TNFRSF21: variants seen among roughly 807,000 people sequenced by gnomAD.
The protein encoded by TNFRSF21 is tumor necrosis factor receptor superfamily member 21.
TNFRSF21 carries 19 observed loss-of-function variants against 45.6 expected under a neutral mutation model. That is an observed-to-expected ratio of 0.42 (90% CI 0.29 to 0.61). TNFRSF21 has a LOEUF of 0.61. TNFRSF21 is among the 20% of genes least tolerant of loss of function. The probability of loss-of-function intolerance (pLI) is 0.23; values close to 1 mark genes in which losing one functional copy is unlikely to be tolerated. For synonymous variants in TNFRSF21, 314 were observed against 335.5 expected, an observed-to-expected ratio of 0.94 and a Z score of 0.70; for missense variants, 737 against 851.5, an observed-to-expected ratio of 0.87 and a Z score of 1.67.
At chr6:47,253,146 G>T (rs1764926087) in intron 4 of TNFRSF21, 110 bp downstream of exon 4, 20 of 1,315,030 alleles carry the variant, frequency 1.5e-5, no homozygotes, top group Non-Finnish European at 1.8e-5. Flanking sequence ...GTGTGTGTGT[G>T]TGCCTATCCA....
chr6:47,286,486 T>C lies in TNFRSF21; in HGVS notation c.206A>G (p.Lys69Arg). ...AGAGACATAGGTTCCTGCTGGACACTTGTCACAGGTTAGCACCTGGCCGGT... is the reference window on the plus strand; with the variant it reads ...AGAGACATAGGTTCCTGCTGGACACCTGTCACAGGTTAGCACCTGGCCGGT... ...RATGQVLTCD[K>R]CPAGTYVSEH... The change falls in exon 2 of 6, where the codon AAG (lysine) becomes AGG (arginine). Residue 69 changes from lysine (K) to arginine (R), a missense_variant. Lys to Arg is a conservative substitution (Grantham distance 26, BLOSUM62 2). Coordinates refer to ENST00000296861, the MANE Select transcript of TNFRSF21 (RefSeq NM_014452.5). 1 of 1,614,206 alleles carries C rather than the reference T, an allele frequency of 6.2e-7. No individual in the cohort carries two copies. The highest frequency in any genetic ancestry group is 8.5e-7 in the Non-Finnish European group (1 of 1,180,030).
At chr6:47,268,430 T>G (rs1762364824) in intron 3 of TNFRSF21, among the ~76,000 whole-genome samples, 1 of 152,152 alleles carries the variant, frequency 6.6e-6, no homozygotes, top group African/African-American at 2.4e-5. Flanking sequence ...AAAACTGAGT[T>G]AAAGTCAGAG....
Position 47,263,953 on chromosome 6 carries a change from C to T in TNFRSF21, c.1244-10432G>A, listed in dbSNP as rs1245346617. On this transcript the variant is annotated intron_variant, in intron 3 of 5. Coordinates refer to ENST00000296861, the MANE Select transcript of TNFRSF21 (RefSeq NM_014452.5). The stretch of plus-strand genomic sequence containing the variant: ...TATTTGTTAAAATTTGACACAACAT[C>T]AATAAGCCTAATATGTCCAATTCTA... Among the ~76,000 whole-genome samples, 7 of 152,162 alleles carry T rather than the reference C, an allele frequency of 4.6e-5. No homozygotes were observed. The South Asian group carries it at 1.2e-3, about 27-fold the overall frequency.
chr6:47,278,231 T>C (rs1024288868), intron 3 of TNFRSF21, among the ~76,000 whole-genome samples: 4 of 152,208 alleles, frequency 2.6e-5, no homozygotes, highest in African/African-American at 4.8e-5. Flanking sequence ...AAGGTCTCTA[T>C]GTTTAAATCC....
At chr6:47,236,863 T>C (rs1353468115) in intron 4 of TNFRSF21, among the ~76,000 whole-genome samples, 1 of 152,182 alleles carries the variant, frequency 6.6e-6, no homozygotes, top group Non-Finnish European at 1.5e-5. Context: ...GGTCAGTCAA[T>C]ATAGTACACT....
At position 47,253,402 on chromosome 6, in the gene TNFRSF21, C is replaced by T. The variant is rs1342962253; in HGVS notation, c.1363G>A (p.Asp455Asn). ...VAAFSNGYTA[D>N]HERAYAALQH... The stretch of plus-strand genomic sequence containing the variant: ...AGAGCTGCGTAGGCCCGCTCGTGGT[C>T]GGCTGTGTACCCATTGGAGAAAGCA... Residue 455 changes from aspartate to asparagine, a missense_variant, in exon 4 of 6, where the codon GAC (aspartate) becomes AAC (asparagine). Physicochemically the swap from Asp to Asn is conservative, Grantham distance 23. Coordinates refer to ENST00000296861, the MANE Select transcript of TNFRSF21 (RefSeq NM_014452.5). 2.5e-6 allele frequency: 4 copies of T among 1,613,996 alleles called. No homozygotes were observed. The Admixed American group carries it at 5.0e-5, about 20-fold the overall frequency.
intron 4 of TNFRSF21, among the ~76,000 whole-genome samples, chr6:47,253,054 T>C (rs1053038573): frequency 6.6e-6 from 1 of 152,016 alleles, no homozygotes; most frequent in Non-Finnish European, 1.5e-5. Context: ...TAAAGTTTTC[T>C]AGATGATTCT....
Position 47,309,738 on chromosome 6 carries a change from C to T in TNFRSF21, c.-227G>A, listed in dbSNP as rs1762991375. ...GCGCGGCCGCCCAGGCGGGGAGAAG[C>T]CGCCGCGACTGCAGCCCGCGTCTCC... is the stretch of plus-strand genomic sequence containing the variant. On this transcript the variant is annotated 5_prime_UTR_variant, in exon 1 of 6. Coordinates refer to ENST00000296861, the MANE Select transcript of TNFRSF21 (RefSeq NM_014452.5). 4.2e-6 allele frequency: 2 copies of T among 479,276 alleles called. No individual in the cohort carries two copies. The highest frequency in any genetic ancestry group is 6.7e-6 in the Non-Finnish European group (2 of 296,996). The allele number at this position is 479,276 out of a possible 1,614,324, so 29.7% of individuals were successfully genotyped here.
intron 4 of TNFRSF21, among the ~76,000 whole-genome samples, chr6:47,237,948 T>C (rs959951586): frequency 1.3e-5 from 2 of 151,732 alleles, no homozygotes; most frequent in African/African-American, 4.8e-5. Context: ...TACTTGGGAG[T>C]CTGAGGCAGG....
intron 1 of TNFRSF21, among the ~76,000 whole-genome samples, chr6:47,295,880 A>T (rs1407912973): frequency 2.0e-5 from 3 of 152,174 alleles, no homozygotes; most frequent in Admixed American, 2.0e-4. Context: ...GAGGATGCCA[A>T]GGCTAGAATG....
intron 2 of TNFRSF21, among the ~76,000 whole-genome samples, chr6:47,284,921 G>A (rs1762624384): frequency 6.6e-6 from 1 of 152,220 alleles, no homozygotes; most frequent in South Asian, 2.1e-4. Context: ...AGACTTGGTA[G>A]GACAGGTCAG....
chr6:47,290,255 G>A (rs1207441465), intron 1 of TNFRSF21, among the ~76,000 whole-genome samples: 2 of 152,044 alleles, frequency 1.3e-5, no homozygotes, highest in East Asian at 3.9e-4. Context: ...GGTCGGCGAT[G>A]AATATCACTC....
chr6:47,263,902 T>C (rs879391458), intron 3 of TNFRSF21, among the ~76,000 whole-genome samples: 1 of 152,238 alleles, frequency 6.6e-6, no homozygotes, highest in African/African-American at 2.4e-5. Flanking sequence ...TAAGAGGTTT[T>C]TTATACTTAT....
chr6:47,239,624 A>G (rs1359181520), intron 4 of TNFRSF21, among the ~76,000 whole-genome samples: 1 of 152,190 alleles, frequency 6.6e-6, no homozygotes. Context: ...TGTTCCCCAT[A>G]GTCAGCTCCT....
intron 4 of TNFRSF21, among the ~76,000 whole-genome samples, chr6:47,239,570 C>A (rs372719523): frequency 6.6e-6 from 1 of 152,160 alleles, no homozygotes; most frequent in Non-Finnish European, 1.5e-5. Context: ...CAGGAATAGG[C>A]GAGAACTCCA....
chr6:47,277,458 G>A (rs1361437304), intron 3 of TNFRSF21, among the ~76,000 whole-genome samples: 3 of 152,084 alleles, frequency 2.0e-5, no homozygotes, highest in East Asian at 1.9e-4. Context: ...TTGCACCCTC[G>A]TCCTCATCAC....
Position 47,232,658 on chromosome 6 carries a change from C to A in TNFRSF21, c.*107G>T, listed in dbSNP as rs867127226. ...ACACACACACACACACACACACACA[C>A]AAACACACACACACACCCCAAACAA... On this transcript the variant is annotated 3_prime_UTR_variant, in exon 6 of 6. Transcript: ENST00000296861. 6.9e-5 allele frequency: 52 copies of A among 755,776 alleles called. No homozygotes were observed. The Middle Eastern group carries it at 2.0e-3, about 29-fold the overall frequency. The allele number at this position is 755,776 out of a possible 1,614,324, so 46.8% of individuals were successfully genotyped here.
intron 3 of TNFRSF21, among the ~76,000 whole-genome samples, chr6:47,270,436 G>A (rs759023217): frequency 6.6e-6 from 1 of 152,132 alleles, no homozygotes; most frequent in African/African-American, 2.4e-5. Context: ...CTGTTAGAAG[G>A]AAAACTAACA....
intron 3 of TNFRSF21, among the ~76,000 whole-genome samples, chr6:47,259,374 CTTT>C (rs67674852): frequency 2.0e-5 from 3 of 147,212 alleles, no homozygotes; most frequent in African/African-American, 7.4e-5. Context: ...ATCACATTGC[CTTT>C]TTTTTTTTTT....
Sources: gnomAD v4.1 joint callset for allele counts (sites outside exome capture counted in the v4.1 genomes callset) on GRCh38, gnomAD v4.1.1 for gene constraint, MANE v1.5 for transcripts, NCBI Gene and HGNC (gene_info 2026-07-23, HGNC 2026-07-21) for gene names.